The following LRP1 variants were observed in gnomAD, a reference collection of about 807,000 sequenced individuals.
LRP1 encodes the protein prolow-density lipoprotein receptor-related protein 1.
LRP1 carries 51 observed loss-of-function variants against 541.5 expected under a neutral mutation model. The ratio of observed to expected loss-of-function variants is 0.09; its 90% confidence interval spans 0.08 to 0.12. LRP1 has a LOEUF of 0.12. LRP1 is among the 10% of genes least tolerant of loss of function. LRP1 has a pLI of 1.00. For missense variants in LRP1, 3,878 were observed against 6,376.2 expected (o/e 0.61, Z 13.34); for synonymous variants, 2,219 against 2,470.8 (o/e 0.90, Z 3.02).
chr12:57,143,277 C>T (rs189257621), intron 3 of LRP1, among the ~76,000 whole-genome samples: 7 of 152,332 alleles, frequency 4.6e-5, no homozygotes, highest in African/African-American at 1.7e-4. Context: ...TCCATGCCCA[C>T]TTTTCAGCCC....
Position 57,154,786 on chromosome 12 carries a change from G to A in LRP1, c.1227+85G>A, listed in dbSNP as rs1378454202. ...GGGGGGAAGCCTCTGTAGGGGAACC[G>A]TTCTCTGAGTCTCCTGGTAAAGAGC... On this transcript the variant is annotated intron_variant, in intron 8 of 88. Coordinates refer to ENST00000243077, the MANE Select transcript of LRP1 (RefSeq NM_002332.3). The surrounding 1 kb of genome is among the most constrained non-coding windows in gnomAD (Gnocchi z 4.6). 3.2e-5 allele frequency: 39 copies of A among 1,234,592 alleles called. No homozygotes were observed. Among genetic ancestry groups the A allele is most frequent in the Admixed American group, 4.0e-5 (2 of 50,578 alleles). The allele number at this position is 1,234,592 out of a possible 1,614,324, so 76.5% of individuals were successfully genotyped here.
At chr12:57,181,319 T>C (rs973354933) in intron 34 of LRP1, 28 bp downstream of exon 34, 65 of 1,598,098 alleles carry the variant, frequency 4.1e-5, no homozygotes, top group Non-Finnish European at 5.3e-5. Flanking sequence ...CTCCCAGCCT[T>C]GTCCCAGCTC....
intron 19 of LRP1, 75 bp from the exon 20 acceptor site, chr12:57,169,065 G>T: frequency 7.2e-7 from 1 of 1,396,978 alleles, no homozygotes; most frequent in Non-Finnish European, 1.0e-6. Flanking sequence ...TGGGCAGGGG[G>T]CCCAAGCTGG....
In LRP1 at chr12:57,156,757, G is replaced by T; in HGVS notation, c.1418-20G>T. On this transcript the variant is annotated intron_variant, in intron 9 of 88. Transcript: ENST00000243077. This position sits in a 1 kb window ranked among gnomAD's most constrained non-coding sequence, Gnocchi z 5.2. Reference sequence around the variant, plus strand: ...ACAGGGGCTCTGAGGGGTCCTAACAGCTCTTCACCCTGCCCCCAGTGAGGA... The same window carrying T: ...ACAGGGGCTCTGAGGGGTCCTAACATCTCTTCACCCTGCCCCCAGTGAGGA... 1 of 1,596,200 alleles carries T rather than the reference G, an allele frequency of 6.3e-7. No individual in the cohort carries two copies.
intron 49 of LRP1, 30 bp from the exon 50 acceptor site, chr12:57,194,547 C>T (rs896196143): frequency 3.1e-6 from 5 of 1,612,354 alleles, no homozygotes; most frequent in Non-Finnish European, 4.2e-6. Flanking sequence ...CTGCGGTGAG[C>T]AGGGCCCTCA....
At chr12:57,151,993 G>A (rs1389722126) in intron 6 of LRP1, among the ~76,000 whole-genome samples, 3 of 152,138 alleles carry the variant, frequency 2.0e-5, no homozygotes, top group African/African-American at 4.8e-5. Flanking sequence ...ACTCCTCACC[G>A]GCCTGCTGAG....
intron 2 of LRP1, among the ~76,000 whole-genome samples, chr12:57,141,066 T>C (rs1413360161): frequency 6.6e-6 from 1 of 152,170 alleles, no homozygotes; most frequent in African/African-American, 2.4e-5. Flanking sequence ...TCAGTCGTCA[T>C]CAAAAACCAG....
At chr12:57,198,734 CAG>C (rs2036587337) in intron 60 of LRP1, 64 bp downstream of exon 60, 1 of 1,463,080 alleles carries the variant, frequency 6.8e-7, no homozygotes, top group Admixed American at 1.9e-5. Context: ...TCTGAAGCGA[CAG>C]GGGATCAAGT....
chr12:57,175,712 C>T lies in LRP1; in HGVS notation c.3793+7C>T. 1 of 1,563,540 alleles carries T rather than the reference C, an allele frequency of 6.4e-7. No homozygotes were observed. Among genetic ancestry groups the T allele is most frequent in the Non-Finnish European group, 8.7e-7 (1 of 1,152,632 alleles). ...GAGAGCTGCCGCAGCCTGGGTGAGACAACAGTGAGGTGTGGTGGGGCAGGC... is the reference window on the plus strand; with the variant it reads ...GAGAGCTGCCGCAGCCTGGGTGAGATAACAGTGAGGTGTGGTGGGGCAGGC... On this transcript the variant is annotated splice_region_variant and intron_variant, in intron 23 of 88. Transcript: ENST00000243077.
Position 57,135,163 on chromosome 12 carries a change from C to T in LRP1, c.68-3296C>T, listed in dbSNP as rs139824354. Reference sequence around the variant, plus strand: ...AGTATCTAAGTGAGTTAATAGTCACCGTATTTCCAATCAGTGGCTGGTGGT... The same window carrying T: ...AGTATCTAAGTGAGTTAATAGTCACTGTATTTCCAATCAGTGGCTGGTGGT... On this transcript the variant is annotated intron_variant, in intron 1 of 88. Coordinates refer to ENST00000243077, the MANE Select transcript of LRP1 (RefSeq NM_002332.3). Among the ~76,000 whole-genome samples the T allele has an allele frequency of 1.4e-3, 217 of 152,306 alleles. 1 individual carries two copies. Among genetic ancestry groups the T allele is most frequent in the African/African-American group, 5.1e-3 (214 of 41,570 alleles).
Position 57,211,787 on chromosome 12 carries a change from C to A in LRP1, c.13231C>A (p.His4411Asn), listed in dbSNP as rs1417842270. ...CATGACAGGGCCCCGGTGTGAGGAG[C>A]ACGTCTTCAGCCAGCAGCAGCCAGG... ...PHMTGPRCEEHVFSQQQPGHI... is the reference protein window; with the variant it reads ...PHMTGPRCEENVFSQQQPGHI... The change falls in exon 86 of 89, where the codon CAC becomes AAC. Residue 4411 changes from histidine (H) to asparagine (N), a missense_variant. By Grantham distance (68) the His-to-Asn change is moderately conservative. Transcript: ENST00000243077. This position sits in a 1 kb window ranked among gnomAD's most constrained non-coding sequence, Gnocchi z 4.3. 1 of 1,612,774 alleles carries A rather than the reference C, an allele frequency of 6.2e-7. No individual in the cohort carries two copies. The highest frequency in any genetic ancestry group is 8.5e-7 in the Non-Finnish European group (1 of 1,179,956).
chr12:57,156,050 A>G lies in LRP1; in HGVS notation c.1228-44A>G. On this transcript the variant is annotated intron_variant, in intron 8 of 88. Transcript: ENST00000243077. This position sits in a 1 kb window ranked among gnomAD's most constrained non-coding sequence, Gnocchi z 5.2. ...GGGGATCTCCAGGACAGAGGGAGGA[A>G]CCCCTGTCATCTCATGCTGTCCATT... 1 of 1,527,514 alleles carries G rather than the reference A, an allele frequency of 6.5e-7. No homozygotes were observed. The highest frequency in any genetic ancestry group is 9.0e-7 in the Non-Finnish European group (1 of 1,108,756). 94.6% of individuals were successfully genotyped at this position (1,527,514 alleles called of 1,614,324 possible). A position where few individuals can be genotyped will look rare whatever the true frequency, so the allele number is the denominator to read the frequency against.
rs1592642028 is a variant in LRP1 at position 57,185,448 on chromosome 12, C to A, written c.6464-83C>A. 6.7e-7 allele frequency: 1 copy of A among 1,486,514 alleles called. No individual in the cohort carries two copies. Among genetic ancestry groups the A allele is most frequent in the East Asian group, 2.3e-5 (1 of 43,368 alleles). 92.1% of individuals were successfully genotyped at this position (1,486,514 alleles called of 1,614,324 possible). ...GGGAATACCGAGGCAGAGGGCAGAG[C>A]TTTCGCCAAAGCCTGGATGACAAAG... On this transcript the variant is annotated intron_variant, in intron 40 of 88. Transcript: ENST00000243077. This position sits in a 1 kb window ranked among gnomAD's most constrained non-coding sequence, Gnocchi z 4.9.
rs2036212479 is a variant in LRP1, at chr12:57,183,720, C to G, written c.5795-55C>G. 2 of 1,606,622 alleles carry G rather than the reference C, an allele frequency of 1.2e-6. No homozygotes were observed. The highest frequency in any genetic ancestry group is 3.3e-5 in the Admixed American group (2 of 59,906). ...TCTTGAGCCTTGTGAGATTTTGACC[C>G]CTCACCTTACCCCTGCCTTATTGGG... On this transcript the variant is annotated intron_variant, in intron 35 of 88. Transcript: ENST00000243077. The surrounding 1 kb of genome is among the most constrained non-coding windows in gnomAD (Gnocchi z 6.1).
rs1011758396 is a variant in LRP1 at position 57,176,126 on chromosome 12, A to T, written c.3991+20A>T. On this transcript the variant is annotated intron_variant, in intron 24 of 88. Transcript: ENST00000243077. ...ACGGAGGTGACCACCGATTGCTGCC[A>T]GGCAGGATGCACACAGGCGGAGCGC... The T allele has an allele frequency of 6.2e-7, 1 of 1,613,098 alleles. No individual in the cohort carries two copies. The highest frequency in any genetic ancestry group is 1.3e-5 in the African/African-American group (1 of 75,078).
Position 57,213,325 on chromosome 12 carries a change from T to C in LRP1, c.*770T>C, listed in dbSNP as rs1019145568. ...TTACAACTAAATAACACAGATATTG[T>C]TATAAATAAAATTGTAAAAAAAAAA... On this transcript the variant is annotated 3_prime_UTR_variant, in exon 89 of 89. Coordinates refer to ENST00000243077, the MANE Select transcript of LRP1 (RefSeq NM_002332.3). 1 of 131,336 alleles carries C rather than the reference T, an allele frequency of 7.6e-6. No homozygotes were observed. The highest frequency in any genetic ancestry group is 8.2e-5 in the Admixed American group (1 of 12,264). 8.1% of individuals were successfully genotyped at this position (131,336 alleles called of 1,614,324 possible). A position where few individuals can be genotyped will look rare whatever the true frequency, so the allele number is the denominator to read the frequency against.
rs900849763 is a variant in LRP1 at position 57,191,087 on chromosome 12, C to T, written c.7236+78C>T. On this transcript the variant is annotated intron_variant, in intron 43 of 88. Coordinates refer to ENST00000243077, the MANE Select transcript of LRP1 (RefSeq NM_002332.3). ...AGGGTCAGCCGTCAACCAAGACCGTCCAGGCACAGACATGGTGGGAACAGC... is the reference window on the plus strand; with the variant it reads ...AGGGTCAGCCGTCAACCAAGACCGTTCAGGCACAGACATGGTGGGAACAGC... 16 of 1,438,650 alleles carry T rather than the reference C, an allele frequency of 1.1e-5. No homozygotes were observed. In the South Asian group the frequency reaches 1.9e-4, roughly 17 times the overall value. The allele number at this position is 1,438,650 out of a possible 1,614,324, so 89.1% of individuals were successfully genotyped here.
At chr12:57,191,973 AT>A (rs1565744242) in intron 44 of LRP1, among the ~76,000 whole-genome samples, 52 of 62,380 alleles carry the variant, frequency 8.3e-4, no homozygotes, top group South Asian at 2.4e-3. Context: ...CACACCACAC[AT>A]GACACATACA....
rs1235685179 is a variant in LRP1 at position 57,212,283 on chromosome 12, G to T, written c.13494+22G>T. 1 of 1,612,464 alleles carries T rather than the reference G, an allele frequency of 6.2e-7. No homozygotes were observed. The highest frequency in any genetic ancestry group is 8.5e-7 in the Non-Finnish European group (1 of 1,179,148). ...CAAGGTGGGCTGGGAGGCGGGCAGG[G>T]TCGAGTGCCAAGAGGCCGTGGGTGG... On this transcript the variant is annotated intron_variant, in intron 88 of 88. Coordinates refer to ENST00000243077, the MANE Select transcript of LRP1 (RefSeq NM_002332.3). The surrounding 1 kb of genome is among the most constrained non-coding windows in gnomAD (Gnocchi z 5.0).
Sources: allele counts gnomAD v4.1 joint callset (sites outside exome capture counted in the v4.1 genomes callset), GRCh38; gene constraint gnomAD v4.1.1; non-coding constraint Gnocchi (gnomAD v3.1); transcripts MANE v1.5; gene names NCBI Gene and HGNC (gene_info 2026-07-23, HGNC 2026-07-21).